Variants in GUCY1A2 observed in about 807,000 individuals in gnomAD.
GUCY1A2 encodes guanylate cyclase 1 soluble subunit alpha 2, also known as guanylate cyclase soluble subunit alpha-2.
Under a neutral mutation model 63.5 loss-of-function variants are expected in GUCY1A2, and 27 were observed. The ratio of observed to expected loss-of-function variants is 0.43; its 90% confidence interval spans 0.31 to 0.59. GUCY1A2 has a LOEUF of 0.59. Ranked by LOEUF, GUCY1A2 falls within the 20% of genes least tolerant of loss-of-function variation. The probability of loss-of-function intolerance (pLI) is 0.11; values close to 1 mark genes in which losing one functional copy is unlikely to be tolerated. For synonymous variants in GUCY1A2, 364 were observed against 343.5 expected (o/e 1.06, Z -0.66); for missense variants, 768 against 913.3 (o/e 0.84, Z 2.05).
At chr11:106,804,035 T>C (rs1015894546) in intron 5 of GUCY1A2, among the ~76,000 whole-genome samples, 2 of 152,338 alleles carry the variant, frequency 1.3e-5, no homozygotes, top group Admixed American at 1.3e-4. Flanking sequence ...CTACAGCATA[T>C]AAATGAGTTC....
intron 4 of GUCY1A2, among the ~76,000 whole-genome samples, chr11:106,885,004 A>G (rs1376893645): frequency 6.6e-6 from 1 of 152,208 alleles, no homozygotes; most frequent in East Asian, 1.9e-4. Context: ...CCTTCAGAAA[A>G]TTTACTCCCA....
In GUCY1A2 at chr11:106,705,762, A is replaced by C. The variant is rs921654727; in HGVS notation, c.1991+2750T>G. ...GTAGTCCCAGCTACTTGGGAGGCTAAGGCAGGAGAATCCCTTGAACCCGGG... is the reference window on the plus strand; with the variant it reads ...GTAGTCCCAGCTACTTGGGAGGCTACGGCAGGAGAATCCCTTGAACCCGGG... On this transcript the variant is annotated intron_variant, in intron 7 of 7. Transcript: ENST00000526355. Among the ~76,000 whole-genome samples, 3 of 152,256 alleles carry C rather than the reference A, an allele frequency of 2.0e-5. No individual in the cohort carries two copies. In the East Asian group the frequency reaches 5.8e-4, roughly 30 times the overall value.
chr11:106,907,458 G>A (rs1033486147), intron 4 of GUCY1A2, among the ~76,000 whole-genome samples: 1 of 151,796 alleles, frequency 6.6e-6, no homozygotes, highest in Non-Finnish European at 1.5e-5. Context: ...ACAATGTGCA[G>A]GTTAGTTACA....
intron 4 of GUCY1A2, among the ~76,000 whole-genome samples, chr11:106,859,109 T>C (rs1859474682): frequency 6.6e-6 from 1 of 151,994 alleles, no homozygotes; most frequent in African/African-American, 2.4e-5. Context: ...ACTACTGACA[T>C]TATGTAAAAT....
chr11:106,689,049 T>A (rs1182808033), intron 7 of GUCY1A2, among the ~76,000 whole-genome samples: 1 of 152,168 alleles, frequency 6.6e-6, no homozygotes, highest in African/African-American at 2.4e-5. Context: ...CAGATTCATG[T>A]TAGCAGCAGC....
chr11:106,979,754 A>C (rs1221393795), intron 2 of GUCY1A2, among the ~76,000 whole-genome samples: 1 of 152,154 alleles, frequency 6.6e-6, no homozygotes, highest in African/African-American at 2.4e-5. Context: ...CCCACATTCC[A>C]AAGGGGTAGC....
rs867033451 is a variant in GUCY1A2, at chr11:107,017,792, G to A, written c.264C>T (p.Asp88=). Residue 88 remains aspartate (D), a synonymous_variant, in exon 1 of 8, where the codon GAC becomes GAT. Coordinates refer to ENST00000526355, the MANE Select transcript of GUCY1A2 (RefSeq NM_000855.3). The part of the protein sequence containing the change: ...RVQRRRRVNL[D]SLGESISRLT... Reference sequence around the variant, plus strand: ...GGCGGCTGATGCTCTCGCCCAGCGAGTCCAGGTTGACCCGCCTCCGGCGCT... The same window carrying A: ...GGCGGCTGATGCTCTCGCCCAGCGAATCCAGGTTGACCCGCCTCCGGCGCT... 2 of 1,427,262 alleles carry A rather than the reference G, an allele frequency of 1.4e-6. No individual in the cohort carries two copies. The highest frequency in any genetic ancestry group is 1.5e-5 in the South Asian group (1 of 66,188). 88.4% of individuals were successfully genotyped at this position (1,427,262 alleles called of 1,614,324 possible).
At chr11:106,954,217 T>C (rs1591341762) in intron 3 of GUCY1A2, among the ~76,000 whole-genome samples, 1 of 152,190 alleles carries the variant, frequency 6.6e-6, no homozygotes, top group African/African-American at 2.4e-5. Flanking sequence ...TGTTGTCTCT[T>C]TGTCATTGGT....
chr11:106,986,502 T>G (rs1403932287), intron 1 of GUCY1A2, among the ~76,000 whole-genome samples: 1 of 152,164 alleles, frequency 6.6e-6, no homozygotes, highest in Non-Finnish European at 1.5e-5. Context: ...TTCCAGCATA[T>G]GTAATCTGCA....
At chr11:106,969,897 T>C (rs1191843188) in intron 3 of GUCY1A2, among the ~76,000 whole-genome samples, 1 of 152,190 alleles carries the variant, frequency 6.6e-6, no homozygotes, top group Non-Finnish European at 1.5e-5. Context: ...TGTGCTTCCA[T>C]TTCTTCTGCT....
intron 6 of GUCY1A2, among the ~76,000 whole-genome samples, chr11:106,774,402 T>C (rs755878381): frequency 1.3e-5 from 2 of 152,134 alleles, no homozygotes; most frequent in Non-Finnish European, 2.9e-5. Context: ...AGTGCTGGGA[T>C]TACAGACGTA....
chr11:106,915,513 C>T (rs796888773), intron 4 of GUCY1A2, among the ~76,000 whole-genome samples: 3 of 109,842 alleles, frequency 2.7e-5, no homozygotes, highest in East Asian at 3.3e-4. Flanking sequence ...AACTGACAGT[C>T]TATCAGCAGG....
chr11:106,999,766 A>G (rs761347254), intron 1 of GUCY1A2, among the ~76,000 whole-genome samples: 1 of 152,190 alleles, frequency 6.6e-6, no homozygotes, highest in Non-Finnish European at 1.5e-5. Flanking sequence ...CTATCACTAT[A>G]GTTGCCATTA....
intron 1 of GUCY1A2, among the ~76,000 whole-genome samples, chr11:106,998,143 T>G (rs915106149): frequency 6.6e-6 from 1 of 152,178 alleles, no homozygotes; most frequent in Non-Finnish European, 1.5e-5. Flanking sequence ...TGTGAATTGT[T>G]GTGGGGGACA....
intron 4 of GUCY1A2, among the ~76,000 whole-genome samples, chr11:106,895,734 C>A (rs1407291471): frequency 1.3e-5 from 2 of 152,116 alleles, no homozygotes; most frequent in Non-Finnish European, 2.9e-5. Context: ...TGGACTAATA[C>A]AACTTCCTAA....
intron 4 of GUCY1A2, among the ~76,000 whole-genome samples, chr11:106,897,218 G>A (rs375782875): frequency 1.3e-5 from 2 of 152,094 alleles, no homozygotes; most frequent in Admixed American, 1.3e-4. Context: ...AGTGGAGAGA[G>A]AGTCTATGTT....
chr11:106,686,189 C>T lies in GUCY1A2; in HGVS notation c.*1360G>A, dbSNP rs192334988. On this transcript the variant is annotated 3_prime_UTR_variant, in exon 8 of 8. Coordinates refer to ENST00000526355, the MANE Select transcript of GUCY1A2 (RefSeq NM_000855.3). ...ACAGGAAAACTCTGGACACCTGATG[C>T]TCCTAATTTTAGTGTGAGCCAGTAA... 3 of 217,830 alleles carry T rather than the reference C, an allele frequency of 1.4e-5. No individual in the cohort carries two copies. The highest frequency in any genetic ancestry group is 1.4e-3 in the Middle Eastern group (1 of 690). 13.5% of individuals were successfully genotyped at this position (217,830 alleles called of 1,614,324 possible). A position where few individuals can be genotyped will look rare whatever the true frequency, so the allele number is the denominator to read the frequency against.
At chr11:106,762,188 G>A (rs1484776823) in intron 6 of GUCY1A2, among the ~76,000 whole-genome samples, 1 of 151,998 alleles carries the variant, frequency 6.6e-6, no homozygotes, top group Non-Finnish European at 1.5e-5. Context: ...AAAAGAAATG[G>A]AGAATACTAT....
intron 5 of GUCY1A2, among the ~76,000 whole-genome samples, chr11:106,792,110 G>A (rs59014000): frequency 0.043 from 6,529 of 151,880 alleles, 143 homozygotes; most frequent in East Asian, 0.094. Flanking sequence ...ACTAACAGCC[G>A]GGCGTGGTGG....
Sources: gnomAD v4.1 joint callset for allele counts (sites outside exome capture counted in the v4.1 genomes callset) on GRCh38, gnomAD v4.1.1 for gene constraint, MANE v1.5 for transcripts, NCBI Gene and HGNC (gene_info 2026-07-23, HGNC 2026-07-21) for gene names.